The following THBS2 variants were observed in gnomAD, a reference collection of about 807,000 sequenced individuals.
The protein encoded by THBS2 is thrombospondin 2.
Under a neutral mutation model 135.2 loss-of-function variants are expected in THBS2, and 47 were observed. The ratio of observed to expected loss-of-function variants is 0.35; its 90% CI spans 0.28 to 0.44. The LOEUF (loss-of-function observed/expected upper bound fraction) is 0.44, where lower values mean the gene tolerates loss of function less well. Among genes scored for constraint, THBS2 ranks in the 20% least tolerant of loss-of-function variants. THBS2 has a pLI of 1.00. For synonymous variants in THBS2, 639 were observed against 633.8 expected (o/e 1.01, Z -0.12); for missense variants, 1,288 against 1,603.1 (o/e 0.80, Z 3.36).
chr6:169,222,560 C>T (rs927991905), intron 18 of THBS2, 92 bp from the exon 19 acceptor site: 33 of 1,399,456 alleles, frequency 2.4e-5, no homozygotes, highest in Non-Finnish European at 3.1e-5. Context: ...TTTGAGAGGC[C>T]GAGGTGGGCA....
At chr6:169,232,393 G>A (rs1394829001) in intron 12 of THBS2, among the ~76,000 whole-genome samples, 195 bp from the exon 13 acceptor site, 2 of 152,184 alleles carry the variant, frequency 1.3e-5, no homozygotes, top group Non-Finnish European at 2.9e-5. Context: ...CTCAGCCATC[G>A]TTTCTGAGCC....
Position 169,237,632 on chromosome 6 carries a change from G to A in THBS2, c.1293C>T (p.Asp431=). ...CACCTGCCCGACACTCACTGCGGGT[G>A]TCACACTTGCTCAGACTGCAAGCCC... is the stretch of plus-strand genomic sequence containing the variant. The part of the protein sequence containing the change: ...QTRACSLSKC[D]TRIRQDGGWS... The change falls in exon 8 of 22, where the codon GAC becomes GAT. Residue 431 remains aspartate, a synonymous_variant. Transcript: ENST00000617924. The A allele has an allele frequency of 6.2e-7, 1 of 1,612,490 alleles. No homozygotes were observed. Among genetic ancestry groups the A allele is most frequent in the Non-Finnish European group, 8.5e-7 (1 of 1,179,932 alleles).
chr6:169,237,152 C>G lies in THBS2; in HGVS notation c.1477+18G>C. On this transcript the variant is annotated intron_variant, in intron 9 of 21. Coordinates refer to ENST00000617924, the MANE Select transcript of THBS2 (RefSeq NM_003247.5). ...CTGCAAGCCCGCCCACCCAGGGCCC[C>G]GCCTTCACCGTACTTACTTGGGCAT... 6.3e-7 allele frequency: 1 copy of G among 1,590,682 alleles called. No homozygotes were observed. The highest frequency in any genetic ancestry group is 8.5e-7 in the Non-Finnish European group (1 of 1,172,544).
chr6:169,221,315 C>T, intron 20 of THBS2, 115 bp downstream of exon 20: 1 of 873,190 alleles, frequency 1.1e-6, no homozygotes, highest in Admixed American at 2.0e-5. Flanking sequence ...ACGAAGAATC[C>T]AGAGTAAAAC....
intron 4 of THBS2, among the ~76,000 whole-genome samples, chr6:169,244,997 G>T (rs1780494522): frequency 6.6e-6 from 1 of 152,236 alleles, no homozygotes; most frequent in African/African-American, 2.4e-5. Context: ...TAGGCGGTGG[G>T]ATCACAGAGT....
intron 16 of THBS2, 37 bp downstream of exon 16, chr6:169,226,143 A>C: frequency 3.2e-6 from 5 of 1,554,598 alleles, no homozygotes; most frequent in Non-Finnish European, 3.5e-6. Context: ...CCCTCTGATG[A>C]GGACCTCCAA....
Position 169,223,393 on chromosome 6 carries a change from A to T in THBS2, c.2856T>A (p.Asn952Lys), listed in dbSNP as rs758457674. 1 of 1,614,176 alleles carries T rather than the reference A, an allele frequency of 6.2e-7. No homozygotes were observed. Among genetic ancestry groups the T allele is most frequent in the Non-Finnish European group, 8.5e-7 (1 of 1,180,032 alleles). The change falls in exon 18 of 22, where the codon AAT becomes AAA. Residue 952 changes from asparagine to lysine, a missense_variant. By Grantham distance (94) the Asn-to-Lys change is moderately conservative. Coordinates refer to ENST00000617924, the MANE Select transcript of THBS2 (RefSeq NM_003247.5). Reference sequence around the variant, plus strand: ...TCCTGAAGTCTGTCTCACTGATGGCATTGTTTTCAGGACACACATCATCAA... The same window carrying T: ...TCCTGAAGTCTGTCTCACTGATGGCTTTGTTTTCAGGACACACATCATCAA... ...PDIDDVCPENNAISETDFRNF... is the reference protein window; with the variant it reads ...PDIDDVCPENKAISETDFRNF...
At chr6:169,236,317 A>C in intron 9 of THBS2, among the ~76,000 whole-genome samples, 1 of 66,062 alleles carries the variant, frequency 1.5e-5, no homozygotes, top group African/African-American at 5.8e-5. Flanking sequence ...CTCCCCATCC[A>C]CACTCACTCC....
chr6:169,239,815 C>T (rs976755016), intron 6 of THBS2, 120 bp from the exon 7 acceptor site: 2 of 747,424 alleles, frequency 2.7e-6, no homozygotes, highest in African/African-American at 1.7e-5. Context: ...ACGGACCATA[C>T]ATTACAGAGA....
At position 169,241,735 on chromosome 6, in the gene THBS2, C is replaced by A; in HGVS notation, c.891+27G>T. ...GGCGGAGCTGCCCATGCCCTATGAC[C>A]CCCGCGGCCCCTGCGTGAGTACCCA... On this transcript the variant is annotated intron_variant, in intron 5 of 21. Coordinates refer to ENST00000617924, the MANE Select transcript of THBS2 (RefSeq NM_003247.5). This position sits in a 1 kb window ranked among gnomAD's most constrained non-coding sequence, Gnocchi z 5.5. The A allele has an allele frequency of 1.3e-6, 2 of 1,579,392 alleles. No homozygotes were observed. Among genetic ancestry groups the A allele is most frequent in the Admixed American group, 1.7e-5 (1 of 58,806 alleles).
intron 8 of THBS2, 113 bp downstream of exon 8, chr6:169,237,512 C>T: frequency 6.5e-7 from 1 of 1,540,336 alleles, no homozygotes; most frequent in Non-Finnish European, 8.8e-7. Flanking sequence ...AGAATCCTTG[C>T]AAAGGCCCAG....
intron 18 of THBS2, among the ~76,000 whole-genome samples, chr6:169,222,817 GAA>G (rs112288720): frequency 1.6e-5 from 2 of 126,786 alleles, no homozygotes; most frequent in African/African-American, 5.8e-5. Flanking sequence ...AGAAAAAAAA[GAA>G]AAAAAAAAGA....
intron 21 of THBS2, 120 bp from the exon 22 acceptor site, chr6:169,217,949 T>TATGGATGGATGGATGGATGGATGAA (rs1562351358): frequency 5.3e-5 from 50 of 943,132 alleles, no homozygotes; most frequent in Admixed American, 8.1e-5. Flanking sequence ...AGATCTATCA[T>TATGGATGGATGGATGGATGGATGAA]ATGGATGGAT....
At chr6:169,223,638 A>C (rs1199118093) in intron 17 of THBS2, among the ~76,000 whole-genome samples, 163 bp from the exon 18 acceptor site, 1 of 152,200 alleles carries the variant, frequency 6.6e-6, no homozygotes, top group Non-Finnish European at 1.5e-5. Flanking sequence ...CGTGCTCAAC[A>C]ATCTCCAAAA....
intron 4 of THBS2, 22 bp downstream of exon 4, chr6:169,246,175 G>C: frequency 6.3e-7 from 1 of 1,599,830 alleles, no homozygotes; most frequent in East Asian, 2.2e-5. Context: ...TATATAAAAT[G>C]CATTTTTCAC....
In THBS2 at chr6:169,229,594, T is replaced by C. The variant is rs1779759333; in HGVS notation, c.2237A>G (p.Asn746Ser). ...TACCTTCTCATCGGTCACACCGTCA[T>C]TGTCATCGTCATCATCACAGGCATC... Reference protein sequence around the residue: ...IGDACDDDDDNDGVTDEKDNC... With the variant: ...IGDACDDDDDSDGVTDEKDNC... Residue 746 changes from asparagine to serine, a missense_variant, in exon 14 of 22, where the codon AAT (asparagine) becomes AGT (serine). Transcript: ENST00000617924. 1.2e-6 allele frequency: 2 copies of C among 1,614,124 alleles called. No individual in the cohort carries two copies. The highest frequency in any genetic ancestry group is 1.3e-5 in the African/African-American group (1 of 75,048).
chr6:169,250,432 GC>G (rs1780713546), intron 2 of THBS2, among the ~76,000 whole-genome samples: 1 of 152,156 alleles, frequency 6.6e-6, no homozygotes, highest in African/African-American at 2.4e-5. Flanking sequence ...AGAAAGTGGA[GC>G]AAAAAGAATT....
chr6:169,240,758 C>T (rs895098699), intron 5 of THBS2, among the ~76,000 whole-genome samples, 166 bp from the exon 6 acceptor site: 5 of 152,210 alleles, frequency 3.3e-5, no homozygotes, highest in East Asian at 1.9e-4. Flanking sequence ...TCCATCCTCA[C>T]GGGGCTTTCT....
At chr6:169,222,118 G>A (rs1779448891) in intron 19 of THBS2, 79 bp downstream of exon 19, 1 of 1,476,734 alleles carries the variant, frequency 6.8e-7, no homozygotes, top group Non-Finnish European at 9.0e-7. Flanking sequence ...GGGGTCTCTG[G>A]ACTGGGCTAG....
Sources: gnomAD v4.1 joint callset for allele counts (sites outside exome capture counted in the v4.1 genomes callset) on GRCh38, gnomAD v4.1.1 for gene constraint, Gnocchi (gnomAD v3.1) non-coding constraint, MANE v1.5 for transcripts, NCBI Gene and HGNC (gene_info 2026-07-23, HGNC 2026-07-21) for gene names.